The following RANBP2 variants were observed in gnomAD, a reference collection of about 807,000 sequenced individuals.
RANBP2 encodes RAN binding protein 2, also known as E3 SUMO-protein ligase RanBP2.
A neutral mutation model predicts 303.6 loss-of-function variants in RANBP2; 57 were observed. The ratio of observed to expected loss-of-function variants is 0.19; its 90% CI spans 0.15 to 0.23. The LOEUF (loss-of-function observed/expected upper bound fraction) is 0.23, where lower values mean the gene tolerates loss of function less well. Ranked by LOEUF, RANBP2 falls within the 10% of genes least tolerant of loss-of-function variation. RANBP2 has a pLI of 1.00. For missense variants in RANBP2, 3,138 were observed against 3,780.8 expected (o/e 0.83, Z 4.46); for synonymous variants, 1,167 against 1,301.5 (o/e 0.90, Z 2.23).
chr2:109,356,451 G>A, the RANBP2 span, among the ~76,000 whole-genome samples: 11 of 152,190 alleles, frequency 7.2e-5, no homozygotes, highest in East Asian at 1.9e-4. Flanking sequence ...ACAGTAGCAC[G>A]ACACTCGACA....
At chr2:108,931,020 C>A in the RANBP2 span, 3 of 1,613,952 alleles carry the variant, frequency 1.9e-6, no homozygotes, top group Non-Finnish European at 2.5e-6. Flanking sequence ...GCCATCCTCT[C>A]CCAAGGGCTC....
chr2:108,734,341 G>A (rs1479410263), intron 4 of RANBP2, among the ~76,000 whole-genome samples: 1 of 152,128 alleles, frequency 6.6e-6, no homozygotes, highest in African/African-American at 2.4e-5. Context: ...GAGGTGTGAA[G>A]TGTCAGAGTG....
the RANBP2 span, among the ~76,000 whole-genome samples, chr2:109,582,449 A>C: frequency 2.0e-5 from 3 of 152,234 alleles, no homozygotes; most frequent in Admixed American, 2.0e-4. Flanking sequence ...CCTCCCGAGT[A>C]GCTGGCAGTA....
the RANBP2 span, among the ~76,000 whole-genome samples, chr2:109,170,636 C>T: frequency 1.3e-5 from 2 of 152,172 alleles, no homozygotes; most frequent in African/African-American, 4.8e-5. Flanking sequence ...AGGTGCGAGC[C>T]ACTGTGCCTG....
chr2:109,311,717 G>C, the RANBP2 span, among the ~76,000 whole-genome samples: 1 of 152,148 alleles, frequency 6.6e-6, no homozygotes, highest in Admixed American at 6.5e-5. Flanking sequence ...TGGTGGTTTT[G>C]TTTTTCCTTG....
the RANBP2 span, among the ~76,000 whole-genome samples, chr2:109,519,048 A>T: frequency 6.7e-6 from 1 of 149,802 alleles, no homozygotes; most frequent in African/African-American, 2.5e-5. Context: ...CCTCCCAAGT[A>T]TCTGGGATTA....
chr2:108,777,088 G>A (rs1677942661), intron 24 of RANBP2, 42 bp from the exon 25 acceptor site: 7 of 1,559,192 alleles, frequency 4.5e-6, no homozygotes, highest in Non-Finnish European at 6.2e-6. Context: ...TTGATATTCA[G>A]CACAAATTAA....
intron 2 of RANBP2, among the ~76,000 whole-genome samples, chr2:108,730,025 C>T (rs1173651347): frequency 2.0e-5 from 3 of 151,240 alleles, no homozygotes; most frequent in Admixed American, 2.0e-4. Context: ...AGCTGGGAGG[C>T]AGGCTTTTAA....
the RANBP2 span, among the ~76,000 whole-genome samples, chr2:109,205,166 C>T: frequency 6.6e-5 from 10 of 152,010 alleles, no homozygotes; most frequent in South Asian, 6.2e-4. Flanking sequence ...ATGTTTATGC[C>T]GCTGCACTCC....
chr2:108,943,839 G>A, the RANBP2 span, among the ~76,000 whole-genome samples: 8 of 152,316 alleles, frequency 5.3e-5, no homozygotes, highest in East Asian at 1.9e-4. Context: ...ATGCCAGCCC[G>A]GGGCTGAGCA....
chr2:109,548,530 G>C, the RANBP2 span, among the ~76,000 whole-genome samples: 7 of 152,134 alleles, frequency 4.6e-5, no homozygotes, highest in African/African-American at 1.7e-4. Context: ...AGGGGGAGAC[G>C]TTTGGGAGGC....
chr2:108,747,460 A>G (rs1696602974), intron 8 of RANBP2, among the ~76,000 whole-genome samples: 1 of 152,232 alleles, frequency 6.6e-6, no homozygotes, highest in Non-Finnish European at 1.5e-5. Context: ...AATCAAAGTT[A>G]TTATAAGCTT....
the RANBP2 span, among the ~76,000 whole-genome samples, chr2:108,972,250 C>T: frequency 6.6e-6 from 1 of 152,284 alleles, no homozygotes; most frequent in Non-Finnish European, 1.5e-5. Context: ...GTTTCAGCCA[C>T]ACCCCTGTAA....
At chr2:109,436,466 C>A in the RANBP2 span, among the ~76,000 whole-genome samples, 1 of 152,180 alleles carries the variant, frequency 6.6e-6, no homozygotes, top group Non-Finnish European at 1.5e-5. Flanking sequence ...TGCGAGGTGG[C>A]AGTCGTGCCC....
At chr2:109,569,697 T>C in the RANBP2 span, among the ~76,000 whole-genome samples, 2 of 152,154 alleles carry the variant, frequency 1.3e-5, no homozygotes, top group Non-Finnish European at 2.9e-5. Context: ...TATACTTAGG[T>C]ATTCAACAAA....
chr2:109,447,656 A>G, the RANBP2 span, among the ~76,000 whole-genome samples: 1 of 152,160 alleles, frequency 6.6e-6, no homozygotes, highest in Non-Finnish European at 1.5e-5. Flanking sequence ...ACAAGTCACC[A>G]TTCCCCTGGG....
At chr2:109,347,654 A>G in the RANBP2 span, 2 of 1,610,946 alleles carry the variant, frequency 1.2e-6, no homozygotes, top group Non-Finnish European at 8.5e-7. Flanking sequence ...CGGTGACCAC[A>G]TGCTGTCTGT....
chr2:109,504,051 A>C, the RANBP2 span: 1 of 152,230 alleles, frequency 6.6e-6, no homozygotes, highest in East Asian at 1.9e-4. Context: ...GAGGAAATGC[A>C]TGGCCCATGT....
chr2:109,613,845 C>T, the RANBP2 span: 1 of 1,236,438 alleles, frequency 8.1e-7, no homozygotes, highest in Non-Finnish European at 1.0e-6. Context: ...GGCAGGGGCA[C>T]GGTGAAGCGG....
Sources: gnomAD v4.1 joint callset for allele counts (sites outside exome capture counted in the v4.1 genomes callset) on GRCh38, gnomAD v4.1.1 for gene constraint, MANE v1.5 for transcripts, NCBI Gene and HGNC (gene_info 2026-07-23, HGNC 2026-07-21) for gene names.